ACAN: variants seen among roughly 807,000 people sequenced by gnomAD.
ACAN encodes aggrecan core protein.
Under a neutral mutation model 169.1 loss-of-function variants are expected in ACAN, and 47 were observed. The observed-to-expected ratio is 0.28, with a 90% CI of 0.22 to 0.35. The LOEUF is 0.35. Among genes scored for constraint, ACAN ranks in the 10% least tolerant of loss-of-function variants. ACAN has a pLI of 1.00. For missense variants in ACAN, 2,716 were observed against 2,759.9 expected, an observed-to-expected ratio of 0.98 and a Z score of 0.36; for synonymous variants, 1,115 against 1,112.2, an observed-to-expected ratio of 1.00 and a Z score of -0.05.
In ACAN at chr15:88,838,562, C is replaced by A; in HGVS notation, c.71-101C>A. The A allele has an allele frequency of 7.2e-7, 1 of 1,382,500 alleles. No homozygotes were observed. Among genetic ancestry groups the A allele is most frequent in the Non-Finnish European group, 9.9e-7 (1 of 1,013,800 alleles). 85.6% of individuals were successfully genotyped at this position (1,382,500 alleles called of 1,614,324 possible). A position where few individuals can be genotyped will look rare whatever the true frequency, so the allele number is the denominator to read the frequency against. ...AGACAGACACACTCATCGGATTTCG[C>A]TCTCTCAGGAGAGTGCATTGCTGGA... is the stretch of plus-strand genomic sequence containing the variant. On this transcript the variant is annotated intron_variant, in intron 2 of 18. Transcript: ENST00000560601. This position sits in a 1 kb window ranked among gnomAD's most constrained non-coding sequence, Gnocchi z 5.1.
intron 1 of ACAN, among the ~76,000 whole-genome samples, chr15:88,823,397 T>C (rs1896126992): frequency 6.6e-6 from 1 of 151,900 alleles, no homozygotes; most frequent in African/African-American, 2.4e-5. Flanking sequence ...CTGGTACTAG[T>C]TTTGGTTTTT....
intron 1 of ACAN, among the ~76,000 whole-genome samples, chr15:88,812,217 G>C (rs1895839021): frequency 6.6e-6 from 1 of 152,018 alleles, no homozygotes; most frequent in African/African-American, 2.4e-5. Flanking sequence ...GGGACTCCCG[G>C]GTTTGCACAC....
At position 88,843,585 on chromosome 15, in the gene ACAN, G is replaced by A. The variant is rs766293702; in HGVS notation, c.988G>A (p.Val330Met). 20 of 1,607,430 alleles carry A rather than the reference G, an allele frequency of 1.2e-5. No individual in the cohort carries two copies. Among genetic ancestry groups the A allele is most frequent in the African/African-American group, 8.0e-5 (6 of 74,808 alleles). Residue 330 changes from valine (V) to methionine (M), a missense_variant, in exon 6 of 19, where the codon GTG (valine) becomes ATG (methionine). By Grantham distance (21) the Val-to-Met change is conservative (BLOSUM62 1). Transcript: ENST00000560601. This position sits in a 1 kb window ranked among gnomAD's most constrained non-coding sequence, Gnocchi z 4.0. The part of the protein sequence containing the change: ...GNLLGVRTVY[V>M]HANQTGYPDP... The stretch of plus-strand genomic sequence containing the variant: ...CCTCCTGGGCGTGAGGACCGTCTAC[G>A]TGCATGCCAACCAGACGGGCTACCC...
intron 1 of ACAN, among the ~76,000 whole-genome samples, chr15:88,804,932 G>A (rs79056445): frequency 0.021 from 3,264 of 152,250 alleles, 104 homozygotes; most frequent in African/African-American, 0.07. Flanking sequence ...CAGTGGGTGG[G>A]TGTCTGACAG....
At chr15:88,823,287 A>T (rs1803489730) in intron 1 of ACAN, among the ~76,000 whole-genome samples, 1 of 152,090 alleles carries the variant, frequency 6.6e-6, no homozygotes, top group Admixed American at 6.5e-5. Flanking sequence ...CTTTCCAAAA[A>T]CTCAGGTCTG....
At chr15:88,816,735 A>T (rs1054158805) in intron 1 of ACAN, among the ~76,000 whole-genome samples, 3 of 152,214 alleles carry the variant, frequency 2.0e-5, no homozygotes, top group African/African-American at 7.2e-5. Flanking sequence ...AGAAGCAAAG[A>T]GGCCTGTTAC....
chr15:88,860,282 G>C, intron 12 of ACAN, 44 bp from the exon 13 acceptor site: 1 of 1,435,162 alleles, frequency 7.0e-7, no homozygotes, highest in South Asian at 1.2e-5. Context: ...TGGTAGCCAG[G>C]TGACTGTGTT....
chr15:88,852,300 C>A (rs748233697), intron 11 of ACAN, among the ~76,000 whole-genome samples: 5 of 152,166 alleles, frequency 3.3e-5, no homozygotes, highest in Non-Finnish European at 7.3e-5. Flanking sequence ...GCATGAACCC[C>A]CAAATGCCCA....
At chr15:88,834,949 C>A (rs1251217124) in intron 1 of ACAN, among the ~76,000 whole-genome samples, 1 of 152,216 alleles carries the variant, frequency 6.6e-6, no homozygotes, top group East Asian at 1.9e-4. Flanking sequence ...ATGCTGGAGT[C>A]AGGGTTCCAA....
chr15:88,810,794 G>T (rs59619550), intron 1 of ACAN, among the ~76,000 whole-genome samples: 44,112 of 152,144 alleles, frequency 0.29, 8,050 homozygotes, highest in East Asian at 0.57. Flanking sequence ...TCAGTGAGAT[G>T]GGGGCTTGGA....
chr15:88,848,334 G>A (rs1476441686), intron 9 of ACAN, among the ~76,000 whole-genome samples: 2 of 152,188 alleles, frequency 1.3e-5, no homozygotes, highest in South Asian at 2.1e-4. Flanking sequence ...ATAAATAAAC[G>A]CTATATACAC....
At chr15:88,835,429 CAG>C (rs755515420) in intron 1 of ACAN, among the ~76,000 whole-genome samples, 69 of 151,646 alleles carry the variant, frequency 4.6e-4, no homozygotes, top group Non-Finnish European at 8.3e-4. Context: ...ACACGAGAGA[CAG>C]AGAGAGAGAG....
intron 1 of ACAN, among the ~76,000 whole-genome samples, chr15:88,818,331 TC>T (rs1415128093): frequency 6.6e-6 from 1 of 152,202 alleles, no homozygotes; most frequent in African/African-American, 2.4e-5. Context: ...GCACAGTTGC[TC>T]CCACCAAGTC....
At position 88,871,401 on chromosome 15, in the gene ACAN, G is replaced by C. The variant is rs534424968; in HGVS notation, c.7080G>C (p.Glu2360Asp). 1.2e-6 allele frequency: 2 copies of C among 1,613,900 alleles called. No homozygotes were observed. The highest frequency in any genetic ancestry group is 1.1e-5 in the South Asian group (1 of 91,078). ...LCEIDQEVCE[E>D]GWNKYQGHCY... is the part of the protein sequence containing the mutation. ...TTGCAGACCAGGAGGTATGTGAGGA[G>C]GGCTGGAACAAGTACCAGGGCCACT... Residue 2360 changes from glutamate to aspartate, a missense_variant, in exon 15 of 19, where the codon GAG becomes GAC. Coordinates refer to ENST00000560601, the MANE Select transcript of ACAN (RefSeq NM_001369268.1). This position sits in a 1 kb window ranked among gnomAD's most constrained non-coding sequence, Gnocchi z 7.8.
intron 1 of ACAN, among the ~76,000 whole-genome samples, chr15:88,829,079 C>T (rs915056071): frequency 6.6e-6 from 1 of 151,822 alleles, no homozygotes; most frequent in African/African-American, 2.4e-5. Flanking sequence ...ACAGGACCTA[C>T]ACACTTGCCC....
intron 11 of ACAN, among the ~76,000 whole-genome samples, 171 bp from the exon 12 acceptor site, chr15:88,854,681 C>T (rs1897006966): frequency 6.6e-6 from 1 of 152,196 alleles, no homozygotes; most frequent in Non-Finnish European, 1.5e-5. Flanking sequence ...TTCCTTTCTT[C>T]ATTTCCAAGA....
chr15:88,871,887 C>A lies in ACAN; in HGVS notation c.7220-116C>A. On this transcript the variant is annotated intron_variant, in intron 15 of 18. Transcript: ENST00000560601. This position sits in a 1 kb window ranked among gnomAD's most constrained non-coding sequence, Gnocchi z 7.8. ...GACCTGAGAAGCACGTGCCTTGCTCCTAGGAGCCCACCCACCTCCTTTCCT... is the reference window on the plus strand; with the variant it reads ...GACCTGAGAAGCACGTGCCTTGCTCATAGGAGCCCACCCACCTCCTTTCCT... The A allele has an allele frequency of 1.0e-6, 1 of 971,118 alleles. No individual in the cohort carries two copies. The allele number at this position is 971,118 out of a possible 1,614,324, so 60.2% of individuals were successfully genotyped here.
Position 88,857,114 on chromosome 15 carries a change from C to T in ACAN, c.4529C>T (p.Pro1510Leu), listed in dbSNP as rs769711367. The T allele has an allele frequency of 1.2e-6, 2 of 1,606,742 alleles. No homozygotes were observed. The highest frequency in any genetic ancestry group is 2.2e-5 in the East Asian group (1 of 44,582). ...GGAATAGAGGATGTCAGTGAACTTC[C>T]TTCAGGAGAAGGTCTAGAGACCTCT... ...ASGIEDVSELPSGEGLETSAS... is the reference protein window; with the variant it reads ...ASGIEDVSELLSGEGLETSAS... The change falls in exon 12 of 19, where the codon CCT becomes CTT. Residue 1510 changes from proline (P) to leucine (L), a missense_variant. Physicochemically the swap from Pro to Leu is moderately conservative, Grantham distance 98. Coordinates refer to ENST00000560601, the MANE Select transcript of ACAN (RefSeq NM_001369268.1).
Position 88,848,235 on chromosome 15 carries a change from G to C in ACAN, c.1732+197G>C, listed in dbSNP as rs140440826. Among the ~76,000 whole-genome samples the C allele has an allele frequency of 3.7e-4, 56 of 152,238 alleles. 1 individual carries two copies. The highest frequency in any genetic ancestry group is 1.3e-3 in the African/African-American group (53 of 41,524). ...CAGATCTAGTGCCTGCTCTCCTACT[G>C]AATGTTTCATGTGGTCTCCTCCAGC... On this transcript the variant is annotated intron_variant, in intron 9 of 18. Transcript: ENST00000560601.
Sources: allele counts gnomAD v4.1 joint callset (sites outside exome capture counted in the v4.1 genomes callset), GRCh38; gene constraint gnomAD v4.1.1; non-coding constraint Gnocchi (gnomAD v3.1); transcripts MANE v1.5; gene names NCBI Gene and HGNC (gene_info 2026-07-23, HGNC 2026-07-21).